MDM1: variants seen among roughly 807,000 people sequenced by gnomAD.
The protein encoded by MDM1 is stabilizer of axonemal microtubules 6.
In MDM1, 61 loss-of-function variants were observed where a neutral mutation model predicts 89.1. The observed-to-expected ratio is 0.68, with a 90% CI of 0.56 to 0.85. MDM1 has a LOEUF of 0.85. Among genes scored for constraint, MDM1 ranks in the 40% least tolerant of loss-of-function variants. MDM1 has a pLI of 0.00. For synonymous variants in MDM1, 290 were observed against 294.1 expected (o/e 0.99, Z 0.14); for missense variants, 820 against 846.5 (o/e 0.97, Z 0.39).
At chr12:68,330,899 C>A (rs1280799896) in intron 2 of MDM1, 2 of 517,294 alleles carry the variant, frequency 3.9e-6, no homozygotes, top group Non-Finnish European at 6.9e-6. Flanking sequence ...CCTGGCCTGC[C>A]ACACTAGCTG....
At chr12:68,326,630 GA>G (rs1348670718) in intron 3 of MDM1, 26 bp downstream of exon 3, 23 of 1,614,046 alleles carry the variant, frequency 1.4e-5, no homozygotes, top group Non-Finnish European at 1.9e-5. Context: ...CTATGCTTTT[GA>G]AAAGAAATGC....
chr12:68,322,175 A>C (rs887952666), intron 5 of MDM1, among the ~76,000 whole-genome samples: 2 of 152,228 alleles, frequency 1.3e-5, no homozygotes, highest in African/African-American at 4.8e-5. Flanking sequence ...AGGAGATTCA[A>C]AAATAGTATT....
chr12:68,329,338 C>T lies in MDM1; in HGVS notation c.133+1769G>A, dbSNP rs10878808. ...CCACTCTTCCCTTTGTTCTCTAGAC[C>T]AAATTCTGAAAATACCTCGTCGTCT... On this transcript the variant is annotated intron_variant, in intron 2 of 14. Transcript: ENST00000682720. Among the ~76,000 whole-genome samples, 546 of 152,148 alleles carry T rather than the reference C, an allele frequency of 3.6e-3. 7 individuals are homozygous for T. The highest frequency in any genetic ancestry group is 0.013 in the African/African-American group (533 of 41,500).
At chr12:68,327,130 A>T (rs564827265) in intron 2 of MDM1, 109 bp from the exon 3 acceptor site, 6 of 1,428,832 alleles carry the variant, frequency 4.2e-6, no homozygotes, top group South Asian at 1.6e-5. Flanking sequence ...TAGTTCAGAT[A>T]TATGTACCTA....
chr12:68,324,268 C>G (rs1029953990), intron 4 of MDM1, among the ~76,000 whole-genome samples: 5 of 152,036 alleles, frequency 3.3e-5, no homozygotes, highest in Non-Finnish European at 7.4e-5. Flanking sequence ...TGAATCAGCT[C>G]TATTTTAAAG....
Position 68,326,813 on chromosome 12 carries a change from C to A in MDM1, c.342G>T (p.Arg114Ser). ...AGTGAGATCTGGTTCTTTTGGGAAC[C>A]CTGGAAGCTTCTAGTGAGTGAACTC... ...QERVHSLEAS[R>S]VPKRTRSHSA... Residue 114 changes from arginine (R) to serine (S), a missense_variant, in exon 3 of 15, where the codon AGG becomes AGT. Transcript: ENST00000682720. 6.2e-7 allele frequency: 1 copy of A among 1,613,772 alleles called. No homozygotes were observed. The highest frequency in any genetic ancestry group is 8.5e-7 in the Non-Finnish European group (1 of 1,179,812).
rs1873995936 is a variant in MDM1 at position 68,313,518 on chromosome 12, C to T, written c.1674G>A (p.Lys558=). Residue 558 remains lysine (K), a synonymous_variant, in exon 12 of 15, where the codon AAG becomes AAA. Transcript: ENST00000682720. ...TTTTCCTCTGTTCTGGGGCTGGAGGCTTCATCTTAGATGGAGACACTAAAA... is the reference window on the plus strand; with the variant it reads ...TTTTCCTCTGTTCTGGGGCTGGAGGTTTCATCTTAGATGGAGACACTAAAA... ...GAVLVSPSKM[K]PPAPEQRKRM... The T allele has an allele frequency of 1.9e-6, 3 of 1,613,896 alleles. No homozygotes were observed. The highest frequency in any genetic ancestry group is 2.2e-5 in the South Asian group (2 of 91,082).
At chr12:68,295,442 G>A in intron 14 of MDM1, 76 bp from the exon 15 acceptor site, 1 of 942,016 alleles carries the variant, frequency 1.1e-6, no homozygotes, top group Admixed American at 2.7e-5. Flanking sequence ...TTATATAACA[G>A]AAAATTAAAA....
In MDM1 at chr12:68,327,308, G is replaced by A. The variant is rs1174728872; in HGVS notation, c.134-287C>T. On this transcript the variant is annotated intron_variant, in intron 2 of 14. Coordinates refer to ENST00000682720, the MANE Select transcript of MDM1 (RefSeq NM_001354969.2). ...TATCCTAACAAAAGTCACTAGAATT[G>A]CAACGTGATAGACCTGGCAGGCCAG... The A allele has an allele frequency of 2.5e-5, 36 of 1,424,126 alleles. No individual in the cohort carries two copies. The East Asian group carries it at 9.1e-4, about 36-fold the overall frequency. 88.2% of individuals were successfully genotyped at this position (1,424,126 alleles called of 1,614,324 possible).
chr12:68,322,951 G>T, intron 5 of MDM1, 122 bp downstream of exon 5: 3 of 853,700 alleles, frequency 3.5e-6, no homozygotes, highest in Non-Finnish European at 3.6e-6. Context: ...AACATTTGAT[G>T]AACAAATGAA....
Position 68,325,588 on chromosome 12 carries a change from C to CA in MDM1, c.499-14dup. The CA allele has an allele frequency of 5.3e-6, 8 of 1,499,134 alleles. No individual in the cohort carries two copies. Among genetic ancestry groups the CA allele is most frequent in the Non-Finnish European group, 7.1e-6 (8 of 1,124,744 alleles). The allele number at this position is 1,499,134 out of a possible 1,614,324, so 92.9% of individuals were successfully genotyped here. A position where few individuals can be genotyped will look rare whatever the true frequency, so the allele number is the denominator to read the frequency against. ...GAAGTCTATCCAACTGTTCAAAAAA[C>CA]AAAATCCACTCAAAGACATTAAAAA... On this transcript the variant is annotated splice_polypyrimidine_tract_variant and intron_variant, in intron 3 of 14. Transcript: ENST00000682720.
intron 3 of MDM1, chr12:68,325,803 G>T: frequency 8.8e-7 from 1 of 1,131,740 alleles, no homozygotes; most frequent in Non-Finnish European, 1.1e-6. Flanking sequence ...TTCTATCAAA[G>T]GACTATTAGG....
chr12:68,317,613 C>T (rs1224090582), intron 7 of MDM1, among the ~76,000 whole-genome samples: 1 of 152,038 alleles, frequency 6.6e-6, no homozygotes, highest in Non-Finnish European at 1.5e-5. Flanking sequence ...GAAAAAAGTT[C>T]CTAAAGGATA....
At chr12:68,328,489 C>T (rs1007067522) in intron 2 of MDM1, among the ~76,000 whole-genome samples, 79 of 152,174 alleles carry the variant, frequency 5.2e-4, no homozygotes, top group African/African-American at 1.9e-3. Context: ...AGAGTTTTTA[C>T]AAAATATATG....
intron 5 of MDM1, among the ~76,000 whole-genome samples, chr12:68,322,309 A>C (rs1370364735): frequency 6.6e-6 from 1 of 152,202 alleles, no homozygotes; most frequent in Admixed American, 6.5e-5. Context: ...TATACTGGCT[A>C]TAATTTGGCA....
chr12:68,319,850 CAAT>C lies in MDM1; in HGVS notation c.1005+1494_1005+1496del, dbSNP rs1278302961. ...AAAGTCTATCTTAAATTGACAACAA[CAAT>C]GTTCTCTTCCATCAAGGCAGGATAA... On this transcript the variant is annotated intron_variant, in intron 7 of 14. Coordinates refer to ENST00000682720, the MANE Select transcript of MDM1 (RefSeq NM_001354969.2). Among the ~76,000 whole-genome samples, 11 of 152,272 alleles carry C rather than the reference CAAT, an allele frequency of 7.2e-5. No individual in the cohort carries two copies. In the South Asian group the frequency reaches 1.7e-3, roughly 23 times the overall value.
In MDM1 at chr12:68,332,288, G is replaced by A; in HGVS notation, c.-43C>T. 6.4e-7 allele frequency: 1 copy of A among 1,568,602 alleles called. No individual in the cohort carries two copies. ...CCCCCGCTACTCCGACAGTTAACTG[G>A]AGAAAAAGCTCCGAGGGGGCGGGGC... is the stretch of plus-strand genomic sequence containing the variant. On this transcript the variant is annotated 5_prime_UTR_variant, in exon 1 of 15. Coordinates refer to ENST00000682720, the MANE Select transcript of MDM1 (RefSeq NM_001354969.2).
intron 13 of MDM1, among the ~76,000 whole-genome samples, chr12:68,301,765 T>C (rs1872195213): frequency 6.6e-6 from 1 of 152,088 alleles, no homozygotes; most frequent in African/African-American, 2.4e-5. Context: ...TTTTTTTTTT[T>C]TGGCCTCCCA....
chr12:68,302,882 A>C lies in MDM1; in HGVS notation c.1750-10T>G, dbSNP rs1565766693. 2.7e-5 allele frequency: 5 copies of C among 184,760 alleles called. No homozygotes were observed. The highest frequency in any genetic ancestry group is 4.1e-5 in the Non-Finnish European group (5 of 121,972). The allele number at this position is 184,760 out of a possible 1,614,324, so 11.4% of individuals were successfully genotyped here. A position where few individuals can be genotyped will look rare whatever the true frequency, so the allele number is the denominator to read the frequency against. ...CAGCACGACTTTCTTTCTAAATGAC[A>C]AAAAAAAAAAAAAAAAAAAGATGCC... On this transcript the variant is annotated splice_polypyrimidine_tract_variant and intron_variant, in intron 12 of 14. Transcript: ENST00000682720.
Sources: allele counts gnomAD v4.1 joint callset (sites outside exome capture counted in the v4.1 genomes callset), GRCh38; gene constraint gnomAD v4.1.1; transcripts MANE v1.5; gene names NCBI Gene and HGNC (gene_info 2026-07-23, HGNC 2026-07-21).